Variants in ZNF615 observed in about 807,000 individuals in gnomAD.
ZNF615 encodes the protein zinc finger protein 615.
In ZNF615, 15 loss-of-function variants were observed where a neutral mutation model predicts 15.3. That is an observed-to-expected ratio of 0.98 (90% CI 0.66 to 1.51). The LOEUF is 1.51. Ranked by LOEUF, ZNF615 falls within the 40% of genes most tolerant of loss-of-function variation. The pLI, the probability that ZNF615 is intolerant of heterozygous loss-of-function variation, is 0.00. For missense variants in ZNF615, 848 were observed against 895.9 expected (o/e 0.95, Z 0.68); for synonymous variants, 268 against 294.6 (o/e 0.91, Z 0.92).
Position 52,002,313 on chromosome 19 carries a change from A to G in ZNF615, c.16-32T>C, listed in dbSNP as rs778920281. ...TAACACACTTCTGTTTAATGAAGTCATATTCTTTTGGTGATAGGAAAAGAA... is the reference window on the plus strand; with the variant it reads ...TAACACACTTCTGTTTAATGAAGTCGTATTCTTTTGGTGATAGGAAAAGAA... On this transcript the variant is annotated intron_variant, in intron 3 of 6. Transcript: ENST00000598071. 2.5e-6 allele frequency: 4 copies of G among 1,613,254 alleles called. No homozygotes were observed. The East Asian group carries it at 6.7e-5, about 27-fold the overall frequency.
chr19:52,001,063 G>T (rs2086576676), intron 5 of ZNF615, among the ~76,000 whole-genome samples: 1 of 152,096 alleles, frequency 6.6e-6, no homozygotes, highest in Non-Finnish European at 1.5e-5. Flanking sequence ...GGAAAATAAT[G>T]ATTCCCAGAG....
At chr19:52,000,520 C>T (rs2123052250) in intron 5 of ZNF615, 142 bp from the exon 6 acceptor site, 1 of 429,078 alleles carries the variant, frequency 2.3e-6, no homozygotes, top group East Asian at 3.5e-5. Flanking sequence ...GTCATGAAGA[C>T]AAGTAAAATA....
intron 6 of ZNF615, 128 bp from the exon 7 acceptor site, chr19:51,994,965 T>C (rs2086376059): frequency 2.1e-6 from 2 of 942,418 alleles, no homozygotes; most frequent in Non-Finnish European, 2.9e-6. Context: ...TTATTTATTT[T>C]TTTGTGAGCA....
chr19:51,993,145 C>T lies in ZNF615; in HGVS notation c.1964G>A (p.Arg655Gln), dbSNP rs776384676. Reference sequence around the variant, plus strand: ...AAAGGAAGTCTTTCCTGTGTGAAATCGCTGATGTTGTATGAGGCATGTCTT... The same window carrying T: ...AAAGGAAGTCTTTCCTGTGTGAAATTGCTGATGTTGTATGAGGCATGTCTT... ...RKKTCLIQHQ[R>Q]FHTGKTSFAC... Residue 655 changes from arginine (R) to glutamine (Q), a missense_variant, in exon 7 of 7, where the codon CGA becomes CAA. Physicochemically the swap from Arg to Gln is conservative, Grantham distance 43. Transcript: ENST00000598071. The T allele has an allele frequency of 1.3e-5, 21 of 1,614,064 alleles. No homozygotes were observed. The highest frequency in any genetic ancestry group is 4.5e-5 in the East Asian group (2 of 44,896).
rs537299457 is a variant in ZNF615, at chr19:52,001,241, A to C, written c.238+572T>G. The stretch of plus-strand genomic sequence containing the variant: ...AGAGACACTGTGACAGTGGACAAGA[A>C]AAGGCAGATTTGAAAATCCTAAGAA... On this transcript the variant is annotated intron_variant, in intron 5 of 6. Transcript: ENST00000598071. 2.0e-5 allele frequency among the ~76,000 whole-genome samples: 3 copies of C among 152,224 alleles called. No individual in the cohort carries two copies. In the East Asian group the frequency reaches 5.8e-4, roughly 29 times the overall value.
intron 5 of ZNF615, 33 bp from the exon 6 acceptor site, chr19:52,000,411 T>A: frequency 1.6e-6 from 1 of 611,284 alleles, no homozygotes; most frequent in Non-Finnish European, 2.9e-6. Context: ...AAAATAAAAT[T>A]AAAAAAATAA....
At chr19:52,002,388 G>A in intron 3 of ZNF615, 107 bp from the exon 4 acceptor site, 1 of 1,511,638 alleles carries the variant, frequency 6.6e-7, no homozygotes, top group Non-Finnish European at 9.2e-7. Flanking sequence ...AGCTGGTGGG[G>A]TTTTTTTCTT....
chr19:51,998,989 C>T (rs2086518818), intron 6 of ZNF615, among the ~76,000 whole-genome samples: 1 of 151,996 alleles, frequency 6.6e-6, no homozygotes, highest in African/African-American at 2.4e-5. Context: ...AATCATATGA[C>T]AAGAAACATG....
chr19:52,005,666 T>C lies in ZNF615; in HGVS notation c.-190+1627A>G, dbSNP rs1399945244. On this transcript the variant is annotated intron_variant, in intron 2 of 6. Transcript: ENST00000598071. Reference sequence around the variant, plus strand: ...TCACCTAAATCAAGAGTCAGTAATATAGTATCCAGGACCTGGACCACCTGT... The same window carrying C: ...TCACCTAAATCAAGAGTCAGTAATACAGTATCCAGGACCTGGACCACCTGT... Among the ~76,000 whole-genome samples, 3 of 152,286 alleles carry C rather than the reference T, an allele frequency of 2.0e-5. 1 individual carries two copies. The highest frequency in any genetic ancestry group is 6.8e-3 in the Middle Eastern group (2 of 294).
intron 5 of ZNF615, among the ~76,000 whole-genome samples, chr19:52,001,350 T>C (rs1408328496): frequency 6.6e-6 from 1 of 152,152 alleles, no homozygotes; most frequent in South Asian, 2.1e-4. Context: ...CCGGGCGCAG[T>C]GGCTCAAGCC....
At position 52,003,429 on chromosome 19, in the gene ZNF615, A is replaced by G. The variant is rs539298947; in HGVS notation, c.15+268T>C. 2.8e-4 allele frequency among the ~76,000 whole-genome samples: 42 copies of G among 152,288 alleles called. No homozygotes were observed. In the South Asian group the frequency reaches 7.5e-3, roughly 27 times the overall value. ...TGCTTTCTCACAGTTGATATAACTT[A>G]TCATGTTTCTCTTGTATAGCTTGTC... On this transcript the variant is annotated intron_variant, in intron 3 of 6. Transcript: ENST00000598071.
At position 52,008,194 on chromosome 19, in the gene ZNF615, C is replaced by T. The variant is rs1336299615; in HGVS notation, c.-281G>A. The T allele has an allele frequency of 1.3e-6, 2 of 1,534,626 alleles. No homozygotes were observed. Among genetic ancestry groups the T allele is most frequent in the Admixed American group, 3.9e-5 (2 of 50,850 alleles). On this transcript the variant is annotated 5_prime_UTR_variant, in exon 1 of 7. Coordinates refer to ENST00000598071, the MANE Select transcript of ZNF615 (RefSeq NM_001199324.2). ...ATCTCTCGGCCTCCTCAGTGCCTGA[C>T]GGCGACTATCCAGGGTCGGAGGCGT... is the stretch of plus-strand genomic sequence containing the variant.
Position 51,993,920 on chromosome 19 carries a change from T to C in ZNF615, c.1189A>G (p.Ser397Gly), listed in dbSNP as rs866116816. The change falls in exon 7 of 7, where the codon AGT (serine) becomes GGT (glycine). Residue 397 changes from serine to glycine, a missense_variant. By Grantham distance (56) the Ser-to-Gly change is moderately conservative. Coordinates refer to ENST00000598071, the MANE Select transcript of ZNF615 (RefSeq NM_001199324.2). ...TGAGTTTGCTGATGTGTGATAAGAC[T>C]GTTCTTCAAGGTGAAGCCTTTCCCA... ...KCGKGFTLKN[S>G]LITHQQTHTG... 6.2e-7 allele frequency: 1 copy of C among 1,614,134 alleles called. No homozygotes were observed. Among genetic ancestry groups the C allele is most frequent in the Non-Finnish European group, 8.5e-7 (1 of 1,180,018 alleles).
In ZNF615 at chr19:51,992,991, G is replaced by A. The variant is rs1434544935; in HGVS notation, c.2118C>T (p.Leu706=). Residue 706 remains leucine (L), a synonymous_variant, in exon 7 of 7, where the codon CTC becomes CTT. Coordinates refer to ENST00000598071, the MANE Select transcript of ZNF615 (RefSeq NM_001199324.2). ...CGKAFTTKSG[L]NVHQRKHTGE... Reference sequence around the variant, plus strand: ...CTGTATGTTTTCTTTGATGAACATTGAGCCCTGATTTTGTAGTGAAGGCTT... The same window carrying A: ...CTGTATGTTTTCTTTGATGAACATTAAGCCCTGATTTTGTAGTGAAGGCTT... 3 of 1,614,104 alleles carry A rather than the reference G, an allele frequency of 1.9e-6. No homozygotes were observed. The highest frequency in any genetic ancestry group is 8.5e-7 in the Non-Finnish European group (1 of 1,180,014).
At chr19:52,002,964 T>C (rs755135231) in intron 3 of ZNF615, among the ~76,000 whole-genome samples, 3 of 151,918 alleles carry the variant, frequency 2.0e-5, no homozygotes, top group Non-Finnish European at 4.4e-5. Context: ...GTAGCTGGGA[T>C]TACAGGCGCA....
At position 51,991,675 on chromosome 19, in the gene ZNF615, T is replaced by C. The variant is rs972841021; in HGVS notation, c.*1205A>G. ...AACAAGGAGCATGAGGGAGTTTGCA[T>C]TGATGCAACATTCTGAATCTCGATT... On this transcript the variant is annotated 3_prime_UTR_variant, in exon 7 of 7. Coordinates refer to ENST00000598071, the MANE Select transcript of ZNF615 (RefSeq NM_001199324.2). 6 of 152,224 alleles carry C rather than the reference T, an allele frequency of 3.9e-5. No individual in the cohort carries two copies. The highest frequency in any genetic ancestry group is 1.4e-4 in the African/African-American group (6 of 41,446). The allele number at this position is 152,224 out of a possible 1,614,324, so 9.4% of individuals were successfully genotyped here. A position where few individuals can be genotyped will look rare whatever the true frequency, so the allele number is the denominator to read the frequency against.
chr19:52,007,782 C>T (rs927200557), intron 1 of ZNF615, among the ~76,000 whole-genome samples: 2 of 152,182 alleles, frequency 1.3e-5, no homozygotes, highest in Non-Finnish European at 2.9e-5. Context: ...GCTGACAAAA[C>T]AAACCCTCCA....
intron 6 of ZNF615, among the ~76,000 whole-genome samples, chr19:51,996,599 T>C (rs2086449415): frequency 6.6e-6 from 1 of 152,052 alleles, no homozygotes; most frequent in Admixed American, 6.6e-5. Context: ...GAAAAGGCCT[T>C]ATCTGGAAAC....
rs527758737 is a variant in ZNF615 at position 51,994,468 on chromosome 19, G to A, written c.641C>T (p.Ala214Val). The stretch of plus-strand genomic sequence containing the variant: ...TTTCCCACATTCACTGCATACATGG[G>A]CATTCTCTATGTTGTGAGTTCTCTG... The part of the protein sequence containing the change: ...KQQRTHNIEN[A>V]HVCSECGKAF... Residue 214 changes from alanine (A) to valine (V), a missense_variant, in exon 7 of 7, where the codon GCC (alanine) becomes GTC (valine). Ala to Val is a moderately conservative substitution (Grantham distance 64). Transcript: ENST00000598071. The A allele has an allele frequency of 6.8e-6, 11 of 1,614,140 alleles. No individual in the cohort carries two copies. The African/African-American group carries it at 1.1e-4, about 16-fold the overall frequency.
Sources: allele counts gnomAD v4.1 joint callset (sites outside exome capture counted in the v4.1 genomes callset), GRCh38; gene constraint gnomAD v4.1.1; transcripts MANE v1.5; gene names NCBI Gene and HGNC (gene_info 2026-07-23, HGNC 2026-07-21).